The following CNBD1 variants were observed in gnomAD, a reference collection of about 807,000 sequenced individuals.
The protein encoded by CNBD1 is cyclic nucleotide-binding domain-containing protein 1.
A neutral mutation model predicts 54.4 loss-of-function variants in CNBD1; 71 were observed. The observed-to-expected ratio is 1.30, with a 90% CI of 1.08 to 1.59. CNBD1 has a LOEUF of 1.59. Ranked by LOEUF, CNBD1 falls within the 40% of genes most tolerant of loss-of-function variation. The pLI, the probability that CNBD1 is intolerant of heterozygous loss-of-function variation, is 0.00. For synonymous variants in CNBD1, 182 were observed against 170.7 expected (o/e 1.07, Z -0.51); for missense variants, 659 against 518.0 (o/e 1.27, Z -2.64).
intron 6 of CNBD1, among the ~76,000 whole-genome samples, chr8:87,269,771 A>T (rs1808326974): frequency 6.6e-6 from 1 of 152,038 alleles, no homozygotes; most frequent in South Asian, 2.1e-4. Context: ...AATCAGCAAT[A>T]AAAAACCTAC....
intron 10 of CNBD1, among the ~76,000 whole-genome samples, chr8:87,371,461 T>A (rs926986240): frequency 6.6e-6 from 1 of 152,016 alleles, no homozygotes; most frequent in Non-Finnish European, 1.5e-5. Context: ...GTAATTTGGA[T>A]TCCTAAGTAC....
At chr8:87,218,140 C>A (rs1460159340) in intron 5 of CNBD1, among the ~76,000 whole-genome samples, 1 of 152,032 alleles carries the variant, frequency 6.6e-6, no homozygotes, top group Non-Finnish European at 1.5e-5. Flanking sequence ...GCTATTTGTT[C>A]CTCCCCACTC....
At chr8:87,065,173 T>G (rs909580881) in intron 4 of CNBD1, among the ~76,000 whole-genome samples, 2 of 152,014 alleles carry the variant, frequency 1.3e-5, no homozygotes, top group African/African-American at 4.8e-5. Context: ...TAATTTTGTC[T>G]TTTATATCCT....
intron 4 of CNBD1, 65 bp from the exon 5 acceptor site, chr8:87,205,928 G>A: frequency 8.1e-7 from 1 of 1,233,384 alleles, no homozygotes; most frequent in Non-Finnish European, 1.0e-6. Context: ...TAAAAATTAA[G>A]GATCTGTTTG....
chr8:87,351,865 T>A, intron 9 of CNBD1, 71 bp downstream of exon 9: 1 of 1,279,528 alleles, frequency 7.8e-7, no homozygotes, highest in Non-Finnish European at 1.0e-6. Context: ...TACCTTTTCA[T>A]GTACTTACTA....
At chr8:87,244,075 T>C (rs374171728) in intron 6 of CNBD1, among the ~76,000 whole-genome samples, 15 of 152,290 alleles carry the variant, frequency 9.8e-5, no homozygotes, top group African/African-American at 3.4e-4. Context: ...GTCCTGATGA[T>C]ATCTGCCCAG....
At chr8:87,174,144 GA>G (rs1813149952) in intron 4 of CNBD1, among the ~76,000 whole-genome samples, 2 of 152,038 alleles carry the variant, frequency 1.3e-5, no homozygotes, top group Admixed American at 1.3e-4. Flanking sequence ...TTTTTTAGTA[GA>G]GATGGGGTTT....
At chr8:87,303,807 C>T (rs188623970) in intron 8 of CNBD1, among the ~76,000 whole-genome samples, 1,800 of 151,336 alleles carry the variant, frequency 0.012, 42 homozygotes, top group African/African-American at 0.041. Context: ...AATAAACAAC[C>T]CCATCAACAA....
At chr8:87,131,472 TG>T (rs1812117054) in intron 4 of CNBD1, among the ~76,000 whole-genome samples, 1 of 152,082 alleles carries the variant, frequency 6.6e-6, no homozygotes, top group African/African-American at 2.4e-5. Context: ...TGGCTATCAT[TG>T]TCATATATAG....
intron 8 of CNBD1, among the ~76,000 whole-genome samples, chr8:87,324,724 T>C (rs183256311): frequency 5.2e-4 from 78 of 151,274 alleles, no homozygotes; most frequent in African/African-American, 1.9e-3. Flanking sequence ...TAGCGGTCTA[T>C]CAATTTTGTT....
chr8:86,938,499 TG>T (rs1305724222), intron 3 of CNBD1, among the ~76,000 whole-genome samples: 3 of 152,226 alleles, frequency 2.0e-5, no homozygotes, highest in African/African-American at 7.2e-5. Flanking sequence ...TCCACATGGC[TG>T]GGGAGGCCTC....
chr8:87,116,349 G>A (rs1207266155), intron 4 of CNBD1, among the ~76,000 whole-genome samples: 2 of 151,418 alleles, frequency 1.3e-5, no homozygotes, highest in Non-Finnish European at 2.9e-5. Flanking sequence ...CTACAGGCAT[G>A]CACCACCACA....
At chr8:87,281,068 C>G (rs1355798205) in intron 6 of CNBD1, among the ~76,000 whole-genome samples, 1 of 151,382 alleles carries the variant, frequency 6.6e-6, no homozygotes, top group East Asian at 1.9e-4. Context: ...TCAGAAAATA[C>G]AGAATATAAA....
intron 4 of CNBD1, among the ~76,000 whole-genome samples, chr8:87,018,349 A>G (rs1367301653): frequency 6.6e-6 from 1 of 152,222 alleles, no homozygotes; most frequent in Non-Finnish European, 1.5e-5. Flanking sequence ...CTTACCTTGC[A>G]CACAAATTGA....
intron 4 of CNBD1, among the ~76,000 whole-genome samples, chr8:86,979,805 GACC>G: frequency 6.6e-6 from 1 of 152,238 alleles, no homozygotes; most frequent in South Asian, 2.1e-4. Context: ...GCATCAGCTT[GACC>G]ACCTGTCATT....
chr8:87,177,491 G>T (rs1251894259), intron 4 of CNBD1, among the ~76,000 whole-genome samples: 1 of 152,086 alleles, frequency 6.6e-6, no homozygotes, highest in African/African-American at 2.4e-5. Flanking sequence ...TAGCACAATT[G>T]CATAGTTCTA....
chr8:87,087,247 G>A (rs1188098853), intron 4 of CNBD1, among the ~76,000 whole-genome samples: 8 of 132,148 alleles, frequency 6.1e-5, no homozygotes, highest in African/African-American at 2.1e-4. Flanking sequence ...ATATATATAC[G>A]TATATATATA....
intron 2 of CNBD1, among the ~76,000 whole-genome samples, chr8:86,896,071 T>C (rs1808843417): frequency 6.6e-6 from 1 of 152,104 alleles, no homozygotes; most frequent in Non-Finnish European, 1.5e-5. Context: ...TTGAGTTTAT[T>C]TTTGTGTATG....
rs552443732 is a variant in CNBD1 at position 87,045,846 on chromosome 8, C to A, written c.431+106092C>A. 3.8e-3 allele frequency among the ~76,000 whole-genome samples: 578 copies of A among 151,838 alleles called. 3 individuals are homozygous for A. Among genetic ancestry groups the A allele is most frequent in the African/African-American group, 0.013 (521 of 41,402 alleles). On this transcript the variant is annotated intron_variant, in intron 4 of 10. Transcript: ENST00000518476. ...CACGAGGTCAGGACATTGAGACCAT[C>A]CTGGCGAACATCGTGAAACCCCGTC...
Sources: allele counts gnomAD v4.1 joint callset (sites outside exome capture counted in the v4.1 genomes callset), GRCh38; gene constraint gnomAD v4.1.1; transcripts MANE v1.5; gene names NCBI Gene and HGNC (gene_info 2026-07-23, HGNC 2026-07-21).